DDX1: variants seen among roughly 807,000 people sequenced by gnomAD.
DDX1 encodes the protein ATP-dependent RNA helicase DDX1.
A neutral mutation model predicts 108.7 loss-of-function variants in DDX1; 28 were observed. The ratio of observed to expected loss-of-function variants is 0.26; its 90% CI spans 0.19 to 0.35. DDX1 has a LOEUF of 0.35. DDX1 is among the 10% of genes least tolerant of loss of function. DDX1 has a pLI of 1.00. For missense variants in DDX1, 710 were observed against 884.5 expected, an observed-to-expected ratio of 0.80 and a Z score of 2.50; for synonymous variants, 295 against 288.9, an observed-to-expected ratio of 1.02 and a Z score of -0.21.
chr2:15,598,535 A>G (rs1422840374), intron 5 of DDX1, among the ~76,000 whole-genome samples: 4 of 152,210 alleles, frequency 2.6e-5, no homozygotes, highest in Non-Finnish European at 5.9e-5. Flanking sequence ...ATTGAAGAGA[A>G]CTAGAGAGAA....
chr2:15,630,238 C>A, intron 25 of DDX1, 128 bp downstream of exon 25: 1 of 881,102 alleles, frequency 1.1e-6, no homozygotes, highest in Non-Finnish European at 1.8e-6. Flanking sequence ...ATCATTCCCT[C>A]CTTATTACCC....
intron 13 of DDX1, among the ~76,000 whole-genome samples, chr2:15,612,492 G>A (rs1220885792): frequency 2.6e-5 from 4 of 151,434 alleles, no homozygotes; most frequent in Admixed American, 6.6e-5. Flanking sequence ...ATGGGATGGC[G>A]GCCGGGCAGA....
Position 15,630,109 on chromosome 2 carries a change from T to C in DDX1, c.2091T>C (p.Gly697=). Residue 697 remains glycine (G), a splice_region_variant and synonymous_variant, in exon 25 of 26, where the codon GGT becomes GGC. Transcript: ENST00000233084. ...CCTACGGTCAGAAAAGGGCTGCTGG[T>C]GGTAAGCTTTGAATTATTTTAAATA... ...KVTYGQKRAA[G]GGSYKGHVDI... 6.2e-7 allele frequency: 1 copy of C among 1,612,588 alleles called. No individual in the cohort carries two copies. Among genetic ancestry groups the C allele is most frequent in the Admixed American group, 1.7e-5 (1 of 59,680 alleles).
chr2:15,599,077 TAGAG>T (rs1032538968), intron 5 of DDX1: 3 of 152,196 alleles, frequency 2.0e-5, no homozygotes, highest in East Asian at 3.8e-4. Context: ...TATCATCTGA[TAGAG>T]AGCACACTGA....
In DDX1 at chr2:15,618,280, T is replaced by A; in HGVS notation, c.1206+10T>A. 2 of 1,351,326 alleles carry A rather than the reference T, an allele frequency of 1.5e-6. No homozygotes were observed. The highest frequency in any genetic ancestry group is 1.2e-5 in the South Asian group (1 of 80,008). The allele number at this position is 1,351,326 out of a possible 1,614,324, so 83.7% of individuals were successfully genotyped here. A position where few individuals can be genotyped will look rare whatever the true frequency, so the allele number is the denominator to read the frequency against. ...TGGAAAAAGACTTCAGGTATAAAAT[T>A]TATCAATGCATCTTAAAATGCATGT... is the stretch of plus-strand genomic sequence containing the variant. On this transcript the variant is annotated intron_variant, in intron 16 of 25. Coordinates refer to ENST00000233084, the MANE Select transcript of DDX1 (RefSeq NM_004939.3).
chr2:15,596,754 C>A lies in DDX1; in HGVS notation c.153C>A (p.Gly51=). Residue 51 remains glycine (G), a synonymous_variant, in exon 4 of 26, where the codon GGC becomes GGA. Transcript: ENST00000233084. ...DVLMAAETGS[G]KTGAFSIPVI... is the part of the protein sequence containing the mutation. ...TTCAGGCTGCAGAAACAGGAAGTGG[C>A]AAAACTGGTGTAAGTAATAAATTAT... is the stretch of plus-strand genomic sequence containing the variant. 1.9e-6 allele frequency: 3 copies of A among 1,610,268 alleles called. No homozygotes were observed. The highest frequency in any genetic ancestry group is 1.7e-4 in the Middle Eastern group (1 of 6,014).
chr2:15,623,454 T>C lies in DDX1; in HGVS notation c.1466T>C (p.Ile489Thr), dbSNP rs1190958879. Reference sequence around the variant, plus strand: ...ATTCAAGAGATGTGGTCTGAAGCTATTAAAATCCTGAAAGGGGAGTATGCT... The same window carrying C: ...ATTCAAGAGATGTGGTCTGAAGCTACTAAAATCCTGAAAGGGGAGTATGCT... ...ANSPEMWSEA[I>T]KILKGEYAVR... Residue 489 changes from isoleucine (I) to threonine (T), a missense_variant, in exon 19 of 26, where the codon ATT becomes ACT. Physicochemically the swap from Ile to Thr is moderately conservative, Grantham distance 89. Coordinates refer to ENST00000233084, the MANE Select transcript of DDX1 (RefSeq NM_004939.3). The C allele has an allele frequency of 1.9e-6, 3 of 1,613,414 alleles. No individual in the cohort carries two copies. The highest frequency in any genetic ancestry group is 1.3e-5 in the African/African-American group (1 of 74,892).
intron 6 of DDX1, among the ~76,000 whole-genome samples, chr2:15,601,605 C>T (rs1009139824): frequency 5.3e-5 from 8 of 152,202 alleles, no homozygotes; most frequent in African/African-American, 1.9e-4. Context: ...CTTGGAGCTT[C>T]TCCCCTCCCT....
At chr2:15,596,834 A>G in intron 4 of DDX1, 71 bp downstream of exon 4, 1 of 1,172,246 alleles carries the variant, frequency 8.5e-7, no homozygotes, top group South Asian at 1.4e-5. Flanking sequence ...AGTAGTTTTT[A>G]CTTTGAAATA....
At chr2:15,620,619 C>G (rs1206825065) in intron 17 of DDX1, among the ~76,000 whole-genome samples, 2 of 152,134 alleles carry the variant, frequency 1.3e-5, no homozygotes, top group Admixed American at 6.5e-5. Flanking sequence ...TTCCTTGATA[C>G]AGTCTTTATA....
chr2:15,617,147 G>A, intron 14 of DDX1, 97 bp from the exon 15 acceptor site: 2 of 505,606 alleles, frequency 4.0e-6, no homozygotes, highest in Admixed American at 3.1e-5. Flanking sequence ...ACTTCAATAT[G>A]CATGTTTTTA....
rs763944785 is a variant in DDX1 at position 15,620,358 on chromosome 2, G to A, written c.1357G>A (p.Asp453Asn). The change falls in exon 17 of 26, where the codon GAC becomes AAC. Residue 453 changes from aspartate (D) to asparagine (N), a missense_variant. Around this residue, in one of 3 missense-constraint regions of DDX1, gnomAD observed 661 missense variants for 810.2 expected, o/e 0.82. Coordinates refer to ENST00000233084, the MANE Select transcript of DDX1 (RefSeq NM_004939.3). ...HVVVPVNPKT[D>N]RLWERLGKSH... ...TGTTGTCCCAGTAAATCCCAAAACT[G>A]ACAGACTCTGGGAAAGGCTTGGAAA... 3 of 1,613,828 alleles carry A rather than the reference G, an allele frequency of 1.9e-6. No individual in the cohort carries two copies. Among genetic ancestry groups the A allele is most frequent in the Non-Finnish European group, 1.7e-6 (2 of 1,179,934 alleles).
chr2:15,625,225 A>G (rs1376978472), intron 19 of DDX1, among the ~76,000 whole-genome samples: 2 of 147,508 alleles, frequency 1.4e-5, no homozygotes, highest in East Asian at 2.3e-4. Flanking sequence ...CACTGTATCA[A>G]TCTATTTATA....
intron 3 of DDX1, among the ~76,000 whole-genome samples, chr2:15,595,898 T>G (rs185930053): frequency 9.9e-5 from 15 of 152,158 alleles, no homozygotes; most frequent in Admixed American, 5.9e-4. Context: ...TTTGTTTTTG[T>G]TTTTTGGAAA....
intron 8 of DDX1, 22 bp from the exon 9 acceptor site, chr2:15,603,792 G>A (rs756651702): frequency 6.5e-7 from 1 of 1,533,482 alleles, no homozygotes; most frequent in Admixed American, 1.8e-5. Flanking sequence ...TACCAGAAAA[G>A]TAAAATATTT....
intron 17 of DDX1, 111 bp downstream of exon 17, chr2:15,620,507 G>A: frequency 1.3e-6 from 1 of 770,158 alleles, no homozygotes; most frequent in East Asian, 2.7e-5. Context: ...TCAAAGAAAA[G>A]TCCAATACAT....
At chr2:15,618,766 G>A (rs113574297) in intron 16 of DDX1, among the ~76,000 whole-genome samples, 3,119 of 152,346 alleles carry the variant, frequency 0.02, 107 homozygotes, top group African/African-American at 0.067. Flanking sequence ...GCACTGGGCC[G>A]TCCTCAGCCT....
chr2:15,620,092 G>A, intron 16 of DDX1, 116 bp from the exon 17 acceptor site: 1 of 943,362 alleles, frequency 1.1e-6, no homozygotes, highest in Non-Finnish European at 1.6e-6. Flanking sequence ...AGAGTAAGGT[G>A]TTGAACTTAT....
Position 15,619,731 on chromosome 2 carries a change from A to G in DDX1, c.1207-477A>G, listed in dbSNP as rs182084187. On this transcript the variant is annotated intron_variant, in intron 16 of 25. Transcript: ENST00000233084. ...GAGGAAATTACTTGGGTGTTGCAGA[A>G]AACTACAAGTAAAAATTCTTAGTTA... 1.9e-3 allele frequency among the ~76,000 whole-genome samples: 286 copies of G among 152,372 alleles called. 2 individuals carry two copies. Among genetic ancestry groups the G allele is most frequent in the African/African-American group, 6.0e-3 (249 of 41,594 alleles).
Sources: gnomAD v4.1 joint callset for allele counts (sites outside exome capture counted in the v4.1 genomes callset) on GRCh38, gnomAD v4.1.1 for gene constraint, gnomAD v4.1.1 regional missense constraint, MANE v1.5 for transcripts, NCBI Gene and HGNC (gene_info 2026-07-23, HGNC 2026-07-21) for gene names.